Variants in MPDZ observed in about 807,000 individuals in gnomAD.
MPDZ encodes the protein multiple PDZ domain crumbs cell polarity complex component, also known as multiple PDZ domain protein.
In MPDZ, 234 loss-of-function variants were observed where a neutral mutation model predicts 239.1. The observed-to-expected ratio is 0.98, with a 90% CI of 0.88 to 1.09. The LOEUF is 1.09. Ranked by LOEUF, MPDZ falls within the 50% of genes least tolerant of loss-of-function variation. MPDZ has a pLI of 0.00. For synonymous variants in MPDZ, 1,048 were observed against 881.3 expected, an observed-to-expected ratio of 1.19 and a Z score of -3.35; for missense variants, 3,175 against 2,510.0, an observed-to-expected ratio of 1.26 and a Z score of -5.66.
In MPDZ at chr9:13,279,684, G is replaced by A. The variant is rs927799692; in HGVS notation, c.-342C>T. 5 of 150,582 alleles carry A rather than the reference G, an allele frequency of 3.3e-5. No individual in the cohort carries two copies. The highest frequency in any genetic ancestry group is 4.8e-5 in the African/African-American group (2 of 41,238). 9.3% of individuals were successfully genotyped at this position (150,582 alleles called of 1,614,324 possible). ...GGGCTGCCGCGGAGGCGGTGGCGGG[G>A]CCCAGGCTGCTGGGGCTGCCGTGAC... On this transcript the variant is annotated 5_prime_UTR_variant, in exon 1 of 47. Transcript: ENST00000319217.
chr9:13,227,929 G>A lies in MPDZ; in HGVS notation c.184-3346C>T, dbSNP rs116940975. Among the ~76,000 whole-genome samples, 147 of 152,154 alleles carry A rather than the reference G, an allele frequency of 9.7e-4. No homozygotes were observed. The East Asian group carries it at 0.022, about 23-fold the overall frequency. On this transcript the variant is annotated intron_variant, in intron 3 of 46. Coordinates refer to ENST00000319217, the MANE Select transcript of MPDZ (RefSeq NM_001378778.1). ...AAATTTATACTCATAAGAAAAAGCA[G>A]AAAGGCACCTTTGATTATGCTGTAA...
chr9:13,111,927 T>A (rs954768531), intron 43 of MPDZ, 97 bp downstream of exon 43: 2 of 1,303,554 alleles, frequency 1.5e-6, no homozygotes, highest in African/African-American at 1.5e-5. Flanking sequence ...AATATAGATA[T>A]TTAAAACTGC....
chr9:13,110,554 T>C, intron 44 of MPDZ, 82 bp downstream of exon 44: 1 of 902,330 alleles, frequency 1.1e-6, no homozygotes, highest in Non-Finnish European at 1.8e-6. Flanking sequence ...GAAGATTTAA[T>C]CATTTTTACT....
intron 36 of MPDZ, among the ~76,000 whole-genome samples, chr9:13,122,449 C>T (rs895404268): frequency 2.0e-5 from 3 of 151,212 alleles, no homozygotes; most frequent in Non-Finnish European, 4.4e-5. Flanking sequence ...CTTTCTTATC[C>T]ATAAATGAAA....
At chr9:13,182,178 T>C (rs538317241) in intron 19 of MPDZ, among the ~76,000 whole-genome samples, 34 of 152,268 alleles carry the variant, frequency 2.2e-4, no homozygotes, top group African/African-American at 5.3e-4. Context: ...CCCCTTCCCA[T>C]TGAATTCAAT....
intron 38 of MPDZ, 30 bp from the exon 39 acceptor site, chr9:13,119,679 CT>C: frequency 6.2e-7 from 1 of 1,613,528 alleles, no homozygotes. Context: ...TCAACATTAT[CT>C]TTTGCTCAAC....
At chr9:13,273,320 C>A (rs1477312658) in intron 1 of MPDZ, among the ~76,000 whole-genome samples, 1 of 152,136 alleles carries the variant, frequency 6.6e-6, no homozygotes, top group African/African-American at 2.4e-5. Flanking sequence ...GTAGAATAAT[C>A]TTTAATCTTT....
chr9:13,132,994 G>C (rs1476698667), intron 32 of MPDZ, among the ~76,000 whole-genome samples: 1 of 151,956 alleles, frequency 6.6e-6, no homozygotes, highest in Non-Finnish European at 1.5e-5. Flanking sequence ...ACCATGAAAG[G>C]ATATTTAAAA....
intron 12 of MPDZ, among the ~76,000 whole-genome samples, chr9:13,199,753 G>A (rs1033729565): frequency 1.3e-5 from 2 of 151,932 alleles, no homozygotes; most frequent in African/African-American, 2.4e-5. Flanking sequence ...TCTATTTGAT[G>A]TATCCCATTT....
chr9:13,138,853 C>T (rs1357861303), intron 28 of MPDZ, among the ~76,000 whole-genome samples: 3 of 152,212 alleles, frequency 2.0e-5, no homozygotes, highest in Admixed American at 6.5e-5. Context: ...ACTTGACAAC[C>T]ATGTAAATGA....
At chr9:13,228,909 C>A (rs1487370757) in intron 3 of MPDZ, among the ~76,000 whole-genome samples, 1 of 152,018 alleles carries the variant, frequency 6.6e-6, no homozygotes. Flanking sequence ...GAGAAATGCA[C>A]ATTTAGCTGG....
At chr9:13,265,730 G>A (rs891100728) in intron 1 of MPDZ, among the ~76,000 whole-genome samples, 3 of 152,164 alleles carry the variant, frequency 2.0e-5, no homozygotes, top group African/African-American at 7.2e-5. Context: ...TCAGGGACAG[G>A]ATTTTCATTG....
chr9:13,109,676 T>C (rs1002470134), intron 45 of MPDZ, among the ~76,000 whole-genome samples: 5 of 152,170 alleles, frequency 3.3e-5, no homozygotes, highest in Admixed American at 2.0e-4. Context: ...AAGACTAAAA[T>C]GTCCTCCGCC....
chr9:13,248,951 C>T (rs1221298404), intron 2 of MPDZ, among the ~76,000 whole-genome samples: 12 of 114,428 alleles, frequency 1.0e-4, no homozygotes, highest in African/African-American at 3.6e-4. Context: ...CCAGCCTGGG[C>T]GACAGAGTGA....
chr9:13,239,513 T>C (rs950287789), intron 3 of MPDZ, among the ~76,000 whole-genome samples: 2 of 152,140 alleles, frequency 1.3e-5, no homozygotes, highest in South Asian at 4.1e-4. Flanking sequence ...ATATGATAAA[T>C]GATGTACCTT....
At chr9:13,217,014 G>A (rs999319634) in intron 9 of MPDZ, among the ~76,000 whole-genome samples, 152 bp from the exon 10 acceptor site, 1 of 151,846 alleles carries the variant, frequency 6.6e-6, no homozygotes, top group Non-Finnish European at 1.5e-5. Context: ...TGTTTTGTCT[G>A]TCTTAAATAC....
At chr9:13,144,596 T>C (rs1022190963) in intron 26 of MPDZ, among the ~76,000 whole-genome samples, 1 of 152,010 alleles carries the variant, frequency 6.6e-6, no homozygotes, top group Non-Finnish European at 1.5e-5. Flanking sequence ...AGGCATCAAG[T>C]ATAGGGAGAG....
chr9:13,191,101 G>A (rs180829017), intron 15 of MPDZ, among the ~76,000 whole-genome samples: 1 of 152,010 alleles, frequency 6.6e-6, no homozygotes, highest in East Asian at 1.9e-4. Flanking sequence ...GCACAGCCTA[G>A]GACCACAGAT....
At chr9:13,217,341 A>T (rs774744375) in intron 8 of MPDZ, 47 bp from the exon 9 acceptor site, 1 of 1,138,410 alleles carries the variant, frequency 8.8e-7, no homozygotes, top group African/African-American at 1.6e-5. Context: ...CGTAAAAAAA[A>T]CAAAAAACAA....
Sources: allele counts gnomAD v4.1 joint callset (sites outside exome capture counted in the v4.1 genomes callset), GRCh38; gene constraint gnomAD v4.1.1; transcripts MANE v1.5; gene names NCBI Gene and HGNC (gene_info 2026-07-23, HGNC 2026-07-21).